The following MATR3 variants were observed in gnomAD, a reference collection of about 807,000 sequenced individuals.
MATR3 encodes matrin 3.
A neutral mutation model predicts 85.5 loss-of-function variants in MATR3; 4 were observed. The observed-to-expected ratio is 0.05, with a 90% CI of 0.02 to 0.11. The LOEUF is 0.11. MATR3 is among the 10% of genes least tolerant of loss of function. The pLI, the probability that MATR3 is intolerant of heterozygous loss-of-function variation, is 1.00. For missense variants in MATR3, 685 were observed against 1,016.1 expected (o/e 0.67, Z 4.43); for synonymous variants, 336 against 343.1 (o/e 0.98, Z 0.23).
At chr5:139,296,566 A>G (rs1203010459) in intron 1 of MATR3, among the ~76,000 whole-genome samples, 1 of 152,224 alleles carries the variant, frequency 6.6e-6, no homozygotes, top group Non-Finnish European at 1.5e-5. Context: ...TGTATTTTTA[A>G]GCGAAATTGG....
rs561453948 is a variant in MATR3 at position 139,320,196 on chromosome 5, C to T, written c.1602+695C>T. 3.3e-5 allele frequency among the ~76,000 whole-genome samples: 5 copies of T among 151,854 alleles called. No homozygotes were observed. The South Asian group carries it at 1.0e-3, about 32-fold the overall frequency. On this transcript the variant is annotated intron_variant, in intron 9 of 14. Coordinates refer to ENST00000394805, the MANE Select transcript of MATR3 (RefSeq NM_018834.6). ...TGGTGGCGTGCGCCTGTTGTCCCAG[C>T]TGTTGGGGAGGCTGAGGCAGGAGAA... is the stretch of plus-strand genomic sequence containing the variant.
chr5:139,325,188 G>T (rs1007692443), intron 12 of MATR3: 1 of 1,430,158 alleles, frequency 7.0e-7, no homozygotes, highest in Non-Finnish European at 9.3e-7. Context: ...GCAAGACTCC[G>T]TCTCAAAAAA....
chr5:139,311,558 C>CT, intron 2 of MATR3: 1 of 152,080 alleles, frequency 6.6e-6, no homozygotes, highest in Admixed American at 6.5e-5. Flanking sequence ...AAGTTTGAAC[C>CT]TTTAAACAAC....
intron 3 of MATR3, chr5:139,282,851 A>G (rs1753579662): frequency 6.6e-6 from 1 of 152,176 alleles, no homozygotes; most frequent in South Asian, 2.1e-4. Context: ...TGTTTTTGAG[A>G]CGGAGTCTCT....
At chr5:139,284,882 AAT>A (rs1220985285) in intron 3 of MATR3, among the ~76,000 whole-genome samples, 1 of 152,222 alleles carries the variant, frequency 6.6e-6, no homozygotes, top group Non-Finnish European at 1.5e-5. Context: ...TTCTATAAAA[AAT>A]AAAATCTTTG....
At chr5:139,303,335 C>T (rs890218552) in intron 1 of MATR3, among the ~76,000 whole-genome samples, 2 of 152,222 alleles carry the variant, frequency 1.3e-5, no homozygotes, top group East Asian at 3.9e-4. Context: ...CTCTTGACCT[C>T]GTGATCAACC....
In MATR3 at chr5:139,331,264, C is replaced by T. The variant is rs1439035211; in HGVS notation, c.*1869C>T. ...ATGTGACATGCACAAAAAATCCTTG[C>T]CAGTTTACTTCTGCAATTTAATTTT... On this transcript the variant is annotated 3_prime_UTR_variant, in exon 15 of 15. Coordinates refer to ENST00000394805, the MANE Select transcript of MATR3 (RefSeq NM_018834.6). The T allele has an allele frequency of 2.2e-6, 1 of 454,094 alleles. No homozygotes were observed. Among genetic ancestry groups the T allele is most frequent in the Admixed American group, 2.3e-5 (1 of 42,572 alleles). The allele number at this position is 454,094 out of a possible 1,614,324, so 28.1% of individuals were successfully genotyped here.
upstream of MATR3, chr5:139,292,169 C>A (rs1264289052): frequency 6.6e-6 from 1 of 151,606 alleles, no homozygotes; most frequent in African/African-American, 2.4e-5. Context: ...GCCACGATGC[C>A]CAGGCTGGTC....
intron 3 of MATR3, among the ~76,000 whole-genome samples, chr5:139,286,819 G>A (rs186098443): frequency 1.1e-3 from 168 of 147,428 alleles, no homozygotes; most frequent in African/African-American, 3.8e-3. Flanking sequence ...ACTCCAGCCC[G>A]GGCAAGAGAG....
In MATR3 at chr5:139,317,589, T is replaced by C. The variant is rs746960358; in HGVS notation, c.1183-7T>C. The C allele has an allele frequency of 1.6e-5, 26 of 1,593,068 alleles. No homozygotes were observed. Among genetic ancestry groups the C allele is most frequent in the Non-Finnish European group, 8.6e-7 (1 of 1,164,618 alleles). ...TAATTGCTTGGTTTTTTTCCCCTAATGGATAGGAAACTAGCAGAGTTGTTC... is the reference window on the plus strand; with the variant it reads ...TAATTGCTTGGTTTTTTTCCCCTAACGGATAGGAAACTAGCAGAGTTGTTC... On this transcript the variant is annotated splice_region_variant and splice_polypyrimidine_tract_variant and intron_variant, in intron 6 of 14. Transcript: ENST00000394805.
intron 3 of MATR3, among the ~76,000 whole-genome samples, chr5:139,284,900 A>G (rs964757528): frequency 9.9e-5 from 15 of 152,210 alleles, no homozygotes; most frequent in Admixed American, 8.5e-4. Flanking sequence ...CTTTGAATCT[A>G]TGATTTTTTG....
intron 8 of MATR3, 140 bp downstream of exon 8, chr5:139,319,173 C>A: frequency 8.1e-7 from 1 of 1,240,662 alleles, no homozygotes; most frequent in Non-Finnish European, 1.2e-6. Flanking sequence ...AGGCCAAGGT[C>A]AGAAGGATTA....
At chr5:139,308,606 T>C (rs1754822404) in intron 2 of MATR3, among the ~76,000 whole-genome samples, 1 of 152,230 alleles carries the variant, frequency 6.6e-6, no homozygotes, top group East Asian at 1.9e-4. Context: ...CTTAATCATA[T>C]ATTTAAGCAG....
At chr5:139,290,181 C>CT (rs879575088), upstream of MATR3, among the ~76,000 whole-genome samples, 232 of 144,166 alleles carry the variant, frequency 1.6e-3, 1 homozygote, top group South Asian at 4.4e-3. Context: ...ACTTAAGGTT[C>CT]TTTTTTTTTT....
In MATR3 at chr5:139,330,042, TTC is replaced by T. The variant is rs1756060098; in HGVS notation, c.*648_*649del. On this transcript the variant is annotated 3_prime_UTR_variant, in exon 15 of 15. Coordinates refer to ENST00000394805, the MANE Select transcript of MATR3 (RefSeq NM_018834.6). ...TTCGTATTCTAGTAGTCAATGTATT[TTC>T]AGTGAAATGCAAAAATATTCCCGTT... is the stretch of plus-strand genomic sequence containing the variant. The T allele has an allele frequency of 4.4e-6, 2 of 454,372 alleles. No individual in the cohort carries two copies. Among genetic ancestry groups the T allele is most frequent in the Non-Finnish European group, 8.8e-6 (2 of 226,758 alleles). 28.1% of individuals were successfully genotyped at this position (454,372 alleles called of 1,614,324 possible). A position where few individuals can be genotyped will look rare whatever the true frequency, so the allele number is the denominator to read the frequency against.
At chr5:139,288,130 CTT>C (rs1454074114) in intron 3 of MATR3, among the ~76,000 whole-genome samples, 1 of 152,138 alleles carries the variant, frequency 6.6e-6, no homozygotes, top group East Asian at 1.9e-4. Context: ...TGAAGGAACA[CTT>C]GAGCCCAGGA....
rs561549122 is a variant in MATR3 at position 139,320,960 on chromosome 5, C to T, written c.1603-938C>T. ...TATTTTTACTAGAGACGGGTTTCACCATCCACAGGATGGTCTCGATCCCCT... is the reference window on the plus strand; with the variant it reads ...TATTTTTACTAGAGACGGGTTTCACTATCCACAGGATGGTCTCGATCCCCT... On this transcript the variant is annotated intron_variant, in intron 9 of 14. Transcript: ENST00000394805. Among the ~76,000 whole-genome samples the T allele has an allele frequency of 2.7e-5, 4 of 149,230 alleles. No homozygotes were observed. The East Asian group carries it at 7.8e-4, about 29-fold the overall frequency.
At chr5:139,295,528 C>T (rs902910586) in intron 1 of MATR3, among the ~76,000 whole-genome samples, 1 of 152,170 alleles carries the variant, frequency 6.6e-6, no homozygotes. Context: ...CCGTGTACAG[C>T]TTTTATATCA....
At chr5:139,327,337 T>A (rs908453938) in intron 14 of MATR3, among the ~76,000 whole-genome samples, 29 of 151,606 alleles carry the variant, frequency 1.9e-4, no homozygotes, top group Non-Finnish European at 1.3e-4. Flanking sequence ...TAACTGCTCT[T>A]TGCCACCTAT....
Sources: allele counts gnomAD v4.1 joint callset (sites outside exome capture counted in the v4.1 genomes callset), GRCh38; gene constraint gnomAD v4.1.1; transcripts MANE v1.5; gene names NCBI Gene and HGNC (gene_info 2026-07-23, HGNC 2026-07-21).